The following TMIGD3 variants were observed in gnomAD, a reference collection of about 807,000 sequenced individuals.
TMIGD3 encodes the protein transmembrane and immunoglobulin domain containing 3, also known as AD026 protein (AD026).
In TMIGD3, 21 loss-of-function variants were observed where a neutral mutation model predicts 28.1. The ratio of observed to expected loss-of-function variants is 0.75; its 90% CI spans 0.53 to 1.08. The LOEUF is 1.08. Among genes scored for constraint, TMIGD3 ranks in the 50% least tolerant of loss-of-function variants. The pLI is 0.00. For synonymous variants in TMIGD3, 151 were observed against 162.1 expected (o/e 0.93, Z 0.52); for missense variants, 416 against 435.6 (o/e 0.96, Z 0.40).
At chr1:111,546,364 A>G (rs549175884) in intron 1 of TMIGD3, among the ~76,000 whole-genome samples, 5 of 152,172 alleles carry the variant, frequency 3.3e-5, no homozygotes, top group African/African-American at 9.6e-5. Flanking sequence ...ATCCATCTCT[A>G]AAACTGTTTT....
At chr1:111,501,003 C>T (rs950976980) in intron 1 of TMIGD3, 1 of 193,180 alleles carries the variant, frequency 5.2e-6, no homozygotes, top group East Asian at 1.2e-4. Context: ...CCTTCTGTTC[C>T]CAATAAGGTG....
At chr1:111,491,795 A>T (rs1654679558) in intron 1 of TMIGD3, among the ~76,000 whole-genome samples, 1 of 152,234 alleles carries the variant, frequency 6.6e-6, no homozygotes, top group African/African-American at 2.4e-5. Flanking sequence ...ACTTATTTGG[A>T]TCCTGATTGA....
chr1:111,535,349 C>T (rs779594901), intron 1 of TMIGD3, among the ~76,000 whole-genome samples: 8 of 152,206 alleles, frequency 5.3e-5, no homozygotes, highest in Non-Finnish European at 1.2e-4. Context: ...TATACATATA[C>T]GTATCACTCT....
intron 2 of TMIGD3, chr1:111,489,638 G>T (rs1010308248): frequency 1.8e-6 from 2 of 1,134,982 alleles, no homozygotes; most frequent in Non-Finnish European, 2.2e-6. Flanking sequence ...ATTGCTTGAC[G>T]GAGGGCCTTG....
chr1:111,515,356 C>T (rs555324451), intron 1 of TMIGD3, among the ~76,000 whole-genome samples: 9 of 152,334 alleles, frequency 5.9e-5, no homozygotes, highest in Non-Finnish European at 1.2e-4. Flanking sequence ...TTCTCTTGCG[C>T]CTTGGGGAAG....
At position 111,503,050 on chromosome 1, in the gene TMIGD3, A is replaced by C. The variant is rs775653340; in HGVS notation, c.305T>G (p.Leu102Arg). The change falls in exon 1 of 6, where the codon CTG becomes CGG. Residue 102 changes from leucine (L) to arginine (R), a missense_variant. Coordinates refer to ENST00000369716, the MANE Select transcript of TMIGD3 (RefSeq NM_020683.7). ...IFTHASIMSL[L>R]AIAVDRYLRV... Reference sequence around the variant, plus strand: ...CAAGTATCGGTCCACAGCGATGGCCAGCAAGGACATGATGGAGGCGTGGGT... The same window carrying C: ...CAAGTATCGGTCCACAGCGATGGCCCGCAAGGACATGATGGAGGCGTGGGT... The C allele has an allele frequency of 6.2e-7, 1 of 1,614,248 alleles. No individual in the cohort carries two copies. The highest frequency in any genetic ancestry group is 2.2e-5 in the East Asian group (1 of 44,888).
intron 1 of TMIGD3, among the ~76,000 whole-genome samples, chr1:111,515,046 A>G (rs1655812817): frequency 6.6e-6 from 1 of 152,210 alleles, no homozygotes; most frequent in South Asian, 2.1e-4. Flanking sequence ...CACTGCCTGG[A>G]ACCCCACATT....
intron 1 of TMIGD3, among the ~76,000 whole-genome samples, chr1:111,561,201 G>A (rs1657722577): frequency 6.6e-6 from 1 of 152,204 alleles, no homozygotes. Flanking sequence ...GTGGCTCACT[G>A]CATCCTCAAC....
Position 111,520,441 on chromosome 1 carries a change from A to G in TMIGD3, c.108-29679T>C, listed in dbSNP as rs573385258. On this transcript the variant is annotated intron_variant, in intron 1 of 5. Coordinates refer to the TMIGD3 transcript ENST00000369717. The stretch of plus-strand genomic sequence containing the variant: ...GATGATGGCAAAAGGGTGAGAGTAA[A>G]TCTCAGTCTCCCATGCAGGAAACTG... 5.3e-5 allele frequency among the ~76,000 whole-genome samples: 8 copies of G among 152,336 alleles called. No individual in the cohort carries two copies. In the South Asian group the frequency reaches 1.7e-3, roughly 32 times the overall value.
At chr1:111,488,580 C>CT (rs1654497630) in intron 3 of TMIGD3, 97 bp downstream of exon 3, 1 of 1,131,596 alleles carries the variant, frequency 8.8e-7, no homozygotes, top group Non-Finnish European at 1.3e-6. Context: ...CAGTGGGAGT[C>CT]TGAGTTGGGG....
chr1:111,494,419 C>G (rs991366281), intron 1 of TMIGD3, among the ~76,000 whole-genome samples: 1 of 152,202 alleles, frequency 6.6e-6, no homozygotes, highest in Non-Finnish European at 1.5e-5. Flanking sequence ...AAACCAAGAA[C>G]AGCCAGGCTG....
chr1:111,544,472 C>A (rs1440446445), intron 1 of TMIGD3, among the ~76,000 whole-genome samples: 1 of 152,140 alleles, frequency 6.6e-6, no homozygotes, highest in Non-Finnish European at 1.5e-5. Context: ...TCTTTTGTGT[C>A]TAACTTATTT....
chr1:111,542,697 T>TTTTTG lies in TMIGD3; in HGVS notation c.107+21148_107+21149insCAAAA, dbSNP rs1491534782. Among the ~76,000 whole-genome samples, 17 of 3,456 alleles carry TTTTTG rather than the reference T, an allele frequency of 4.9e-3. No homozygotes were observed. In the Non-Finnish European group the frequency reaches 0.41, roughly 83 times the overall value. 2.3% of individuals were successfully genotyped at this position (3,456 alleles called of 152,430 possible). On this transcript the variant is annotated intron_variant, in intron 1 of 5. Transcript: ENST00000369717. Reference sequence around the variant, plus strand: ...AAACTTGTCTTTGTTTTTGTTTTTGTTTTTTTTTTCTTTTTTTGAGATGGA... The same window carrying TTTTTG: ...AAACTTGTCTTTGTTTTTGTTTTTGTTTTTGTTTTTTTTTCTTTTTTTGAGATGGA...
At chr1:111,559,942 A>T (rs1380586411) in intron 1 of TMIGD3, among the ~76,000 whole-genome samples, 1 of 152,160 alleles carries the variant, frequency 6.6e-6, no homozygotes, top group African/African-American at 2.4e-5. Flanking sequence ...TCACAGTAGG[A>T]TTTAGCACTT....
chr1:111,549,603 T>C (rs1295135053), intron 1 of TMIGD3, among the ~76,000 whole-genome samples: 1 of 150,172 alleles, frequency 6.7e-6, no homozygotes, highest in African/African-American at 2.5e-5. Flanking sequence ...TGAGCCGATA[T>C]CATGCCACTG....
chr1:111,524,903 A>G (rs1656213301), intron 1 of TMIGD3, among the ~76,000 whole-genome samples: 1 of 152,186 alleles, frequency 6.6e-6, no homozygotes, highest in African/African-American at 2.4e-5. Context: ...TACAGGCATG[A>G]GCCACCCCTC....
intron 1 of TMIGD3, among the ~76,000 whole-genome samples, chr1:111,535,393 T>G (rs1381152405): frequency 6.6e-6 from 1 of 152,234 alleles, no homozygotes; most frequent in Admixed American, 6.5e-5. Context: ...CAGAGCCATT[T>G]CAGGCACCAT....
intron 1 of TMIGD3, among the ~76,000 whole-genome samples, chr1:111,524,741 T>C (rs1039571039): frequency 6.6e-6 from 1 of 152,174 alleles, no homozygotes; most frequent in Non-Finnish European, 1.5e-5. Flanking sequence ...TGCCTCAGCC[T>C]CTCGAGTAGC....
chr1:111,551,944 G>A (rs540524563), intron 1 of TMIGD3, among the ~76,000 whole-genome samples: 4 of 152,214 alleles, frequency 2.6e-5, no homozygotes, highest in South Asian at 4.2e-4. Context: ...AACAGTTCTC[G>A]GCATGCACCT....
Sources: gnomAD v4.1 joint callset for allele counts (sites outside exome capture counted in the v4.1 genomes callset) on GRCh38, gnomAD v4.1.1 for gene constraint, MANE v1.5 for transcripts, NCBI Gene and HGNC (gene_info 2026-07-23, HGNC 2026-07-21) for gene names.